Variants in ZNF79 observed in about 807,000 individuals in gnomAD.
The protein encoded by ZNF79 is ZNFpT7.
In ZNF79, 13 loss-of-function variants were observed where a neutral mutation model predicts 14.9. The observed-to-expected ratio is 0.87, with a 90% confidence interval of 0.57 to 1.38. The LOEUF (loss-of-function observed/expected upper bound fraction) is 1.38. Among genes scored for constraint, ZNF79 ranks in the 40% most tolerant of loss-of-function variants. The pLI is 0.00. For synonymous variants in ZNF79, 223 were observed against 235.1 expected, an observed-to-expected ratio of 0.95 and a Z score of 0.47; for missense variants, 631 against 630.6, an observed-to-expected ratio of 1.00 and a Z score of -0.01.
At chr9:127,429,981 T>A (rs762322924) in intron 2 of ZNF79, among the ~76,000 whole-genome samples, 2 of 152,084 alleles carry the variant, frequency 1.3e-5, no homozygotes, top group Non-Finnish European at 2.9e-5. Context: ...CACGCCCAGC[T>A]AATTTTTGTA....
chr9:127,436,645 A>AG (rs1833952841), intron 4 of ZNF79, among the ~76,000 whole-genome samples: 1 of 152,254 alleles, frequency 6.6e-6, no homozygotes, highest in Admixed American at 6.5e-5. Context: ...CACCTCTGGC[A>AG]GGGCCTCAGC....
rs1019639910 is a variant in ZNF79 at position 127,424,721 on chromosome 9, G to A, written c.-67G>A. On this transcript the variant is annotated 5_prime_UTR_variant, in exon 1 of 5. Transcript: ENST00000342483. ...GAGCAGCCCTGCAGAACGGGGTGGG[G>A]GCTGCTGTAGATAGACCCTTACGCC... 2 of 1,611,514 alleles carry A rather than the reference G, an allele frequency of 1.2e-6. No individual in the cohort carries two copies. Among genetic ancestry groups the A allele is most frequent in the Non-Finnish European group, 1.7e-6 (2 of 1,179,360 alleles).
intron 4 of ZNF79, among the ~76,000 whole-genome samples, chr9:127,443,316 G>C (rs1250850901): frequency 6.6e-6 from 1 of 152,080 alleles, no homozygotes; most frequent in African/African-American, 2.4e-5. Flanking sequence ...TCAGGAGGCT[G>C]AGGTGGCAGG....
Position 127,444,443 on chromosome 9 carries a change from C to T in ZNF79, c.743C>T (p.Pro248Leu), listed in dbSNP as rs900876013. Residue 248 changes from proline (P) to leucine (L), a missense_variant, in exon 5 of 5, where the codon CCT (proline) becomes CTT (leucine). Transcript: ENST00000342483. ...QHQRIHTGEK[P>L]YKCSECGRAF... is the part of the protein sequence containing the mutation. ...CAGAGGATTCACACTGGAGAGAAGC[C>T]TTACAAGTGCAGTGAATGTGGAAGA... The T allele has an allele frequency of 6.8e-6, 11 of 1,613,642 alleles. No individual in the cohort carries two copies. Among genetic ancestry groups the T allele is most frequent in the Non-Finnish European group, 9.3e-6 (11 of 1,179,840 alleles).
At chr9:127,443,970 T>C in intron 4 of ZNF79, 59 bp from the exon 5 acceptor site, 1 of 1,481,272 alleles carries the variant, frequency 6.8e-7, no homozygotes. Flanking sequence ...GCCAGACTCC[T>C]TCAGCCTTTG....
chr9:127,439,886 G>A (rs183471013), intron 4 of ZNF79, among the ~76,000 whole-genome samples: 3 of 151,758 alleles, frequency 2.0e-5, no homozygotes, highest in Non-Finnish European at 4.4e-5. Flanking sequence ...TTCTTGAGAC[G>A]GAGTCTCATT....
chr9:127,445,013 T>G lies in ZNF79; in HGVS notation c.1313T>G (p.Ile438Ser). 1.9e-6 allele frequency: 3 copies of G among 1,614,140 alleles called. No homozygotes were observed. Among genetic ancestry groups the G allele is most frequent in the Non-Finnish European group, 2.5e-6 (3 of 1,180,036 alleles). Residue 438 changes from isoleucine (I) to serine (S), a missense_variant, in exon 5 of 5, where the codon ATC becomes AGC. By Grantham distance (142) the Ile-to-Ser change is moderately radical. Coordinates refer to ENST00000342483, the MANE Select transcript of ZNF79 (RefSeq NM_007135.3). ...ESSALIRHHI[I>S]HTGEKPYECN... Reference sequence around the variant, plus strand: ...TCAGCCCTCATTCGGCATCATATAATCCACACCGGAGAAAAACCTTATGAG... The same window carrying G: ...TCAGCCCTCATTCGGCATCATATAAGCCACACCGGAGAAAAACCTTATGAG...
intron 2 of ZNF79, among the ~76,000 whole-genome samples, chr9:127,434,309 T>C (rs915141535): frequency 6.6e-6 from 1 of 152,196 alleles, no homozygotes; most frequent in Non-Finnish European, 1.5e-5. Context: ...CTACATTTGA[T>C]TGTGCTCATA....
At position 127,424,489 on chromosome 9, in the gene ZNF79, G is replaced by GTTGCCAT; in HGVS notation, c.-293_-292insTTTGCCA. The GTTGCCAT allele has an allele frequency of 5.1e-6, 2 of 393,082 alleles. No individual in the cohort carries two copies. Among genetic ancestry groups the GTTGCCAT allele is most frequent in the Non-Finnish European group, 9.4e-6 (2 of 212,070 alleles). 24.3% of individuals were successfully genotyped at this position (393,082 alleles called of 1,614,324 possible). On this transcript the variant is annotated 5_prime_UTR_variant, in exon 1 of 5. Coordinates refer to ENST00000342483, the MANE Select transcript of ZNF79 (RefSeq NM_007135.3). ...GCCGGTAGATTGTTGCCAGTTGCCA[G>GTTGCCAT]TTGCCAGTCGTTTTTCGGAAAGCTG... is the stretch of plus-strand genomic sequence containing the variant.
intron 2 of ZNF79, among the ~76,000 whole-genome samples, chr9:127,432,969 A>G (rs1006003015): frequency 6.6e-6 from 1 of 152,194 alleles, no homozygotes; most frequent in East Asian, 1.9e-4. Context: ...TTTAGTAGAG[A>G]TGGGGTTTCA....
chr9:127,433,651 C>A (rs1334179097), intron 2 of ZNF79, among the ~76,000 whole-genome samples: 1 of 152,156 alleles, frequency 6.6e-6, no homozygotes, highest in Non-Finnish European at 1.5e-5. Flanking sequence ...TCTCCTAACT[C>A]CAGATCCGTG....
chr9:127,441,296 A>G (rs912030910), intron 4 of ZNF79, among the ~76,000 whole-genome samples: 17 of 152,134 alleles, frequency 1.1e-4, no homozygotes, highest in Admixed American at 2.0e-4. Context: ...CAGAATAACA[A>G]GAACCATGCA....
rs1000472875 is a variant in ZNF79 at position 127,424,659 on chromosome 9, G to A, written c.-129G>A. 86 of 1,424,650 alleles carry A rather than the reference G, an allele frequency of 6.0e-5. No homozygotes were observed. Among genetic ancestry groups the A allele is most frequent in the Non-Finnish European group, 8.3e-5 (85 of 1,029,314 alleles). 88.3% of individuals were successfully genotyped at this position (1,424,650 alleles called of 1,614,324 possible). On this transcript the variant is annotated 5_prime_UTR_variant, in exon 1 of 5. Transcript: ENST00000342483. ...GGATCAGACCGTGCCTCTGCGGGGAGAGGCTGGAGAGGAAGAGTCCGGCCT... is the reference window on the plus strand; with the variant it reads ...GGATCAGACCGTGCCTCTGCGGGGAAAGGCTGGAGAGGAAGAGTCCGGCCT...
chr9:127,444,624 C>T lies in ZNF79; in HGVS notation c.924C>T (p.Ser308=), dbSNP rs142070658. The change falls in exon 5 of 5, where the codon AGC becomes AGT. Residue 308 remains serine (S), a synonymous_variant. Transcript: ENST00000342483. ...IHTGEKPYEC[S]DCGKAFRHSA... is the part of the protein sequence containing the mutation. ...CCGGAGAGAAGCCCTACGAATGCAG[C>T]GACTGTGGGAAGGCCTTCCGTCACA... The T allele has an allele frequency of 5.0e-6, 8 of 1,613,606 alleles. No homozygotes were observed. Among genetic ancestry groups the T allele is most frequent in the African/African-American group, 2.7e-5 (2 of 74,726 alleles).
At chr9:127,424,930 TTTTC>T (rs1380953102) in intron 1 of ZNF79, 127 bp downstream of exon 1, 10 of 1,538,642 alleles carry the variant, frequency 6.5e-6, no homozygotes, top group Non-Finnish European at 8.8e-6. Flanking sequence ...GACAATCATT[TTTTC>T]TTTCTTTGCC....
chr9:127,443,979 T>C (rs765317668), intron 4 of ZNF79, 50 bp from the exon 5 acceptor site: 1 of 1,511,942 alleles, frequency 6.6e-7, no homozygotes, highest in South Asian at 1.3e-5. Context: ...CTTCAGCCTT[T>C]GGTATTCCTT....
intron 2 of ZNF79, among the ~76,000 whole-genome samples, chr9:127,434,160 C>T (rs563533571): frequency 6.6e-6 from 1 of 152,220 alleles, no homozygotes; most frequent in South Asian, 2.1e-4. Context: ...TGGTGCCTCT[C>T]CTGCCTTGGA....
chr9:127,439,197 AC>A (rs1300412539), intron 4 of ZNF79, among the ~76,000 whole-genome samples: 19 of 151,852 alleles, frequency 1.3e-4, no homozygotes, highest in African/African-American at 2.9e-4. Context: ...ACACACACAC[AC>A]ACACACAACG....
At chr9:127,438,191 A>G (rs1833983559) in intron 4 of ZNF79, among the ~76,000 whole-genome samples, 2 of 152,180 alleles carry the variant, frequency 1.3e-5, no homozygotes, top group African/African-American at 2.4e-5. Flanking sequence ...AGATAGCATC[A>G]GATCCCACTA....
Sources: gnomAD v4.1 joint callset for allele counts (sites outside exome capture counted in the v4.1 genomes callset) on GRCh38, gnomAD v4.1.1 for gene constraint, MANE v1.5 for transcripts, NCBI Gene and HGNC (gene_info 2026-07-23, HGNC 2026-07-21) for gene names.